Variants in KCNH8 observed in about 807,000 individuals in gnomAD.
The protein encoded by KCNH8 is potassium voltage-gated channel subfamily H member 8.
KCNH8 carries 70 observed loss-of-function variants against 103.6 expected under a neutral mutation model. The ratio of observed to expected loss-of-function variants is 0.68; its 90% CI spans 0.56 to 0.82. The LOEUF is 0.82. Among genes scored for constraint, KCNH8 ranks in the 40% least tolerant of loss-of-function variants. KCNH8 has a pLI of 0.00. For synonymous variants in KCNH8, 498 were observed against 489.4 expected, an observed-to-expected ratio of 1.02 and a Z score of -0.23; for missense variants, 1,217 against 1,329.9, an observed-to-expected ratio of 0.92 and a Z score of 1.32.
rs760759791 is a variant in KCNH8, at chr3:19,457,025, G to T, written c.2040+43G>T. 3 of 1,352,196 alleles carry T rather than the reference G, an allele frequency of 2.2e-6. No individual in the cohort carries two copies. In the South Asian group the frequency reaches 3.6e-5, roughly 16 times the overall value. The allele number at this position is 1,352,196 out of a possible 1,614,324, so 83.8% of individuals were successfully genotyped here. A position where few individuals can be genotyped will look rare whatever the true frequency, so the allele number is the denominator to read the frequency against. On this transcript the variant is annotated intron_variant, in intron 11 of 15. Transcript: ENST00000328405. The stretch of plus-strand genomic sequence containing the variant: ...TTAGTGCTAAGACCTAATAACATTG[G>T]GCCTGGAGATCATTTGTAACAGTAA...
intron 1 of KCNH8, among the ~76,000 whole-genome samples, chr3:19,239,924 A>G (rs2064117023): frequency 6.6e-6 from 1 of 152,180 alleles, no homozygotes; most frequent in Admixed American, 6.5e-5. Context: ...CCATGCTGGT[A>G]TCTTTATGAT....
intron 7 of KCNH8, among the ~76,000 whole-genome samples, chr3:19,433,518 C>T (rs549537045): frequency 1.3e-5 from 2 of 152,292 alleles, no homozygotes; most frequent in South Asian, 4.1e-4. Flanking sequence ...AATCCAATCA[C>T]TTCATATTTA....
chr3:19,412,449 A>G (rs932854624), intron 7 of KCNH8, among the ~76,000 whole-genome samples: 8 of 152,070 alleles, frequency 5.3e-5, no homozygotes, highest in African/African-American at 1.9e-4. Context: ...CTAGAAGAAA[A>G]CCTAGAACAC....
At chr3:19,306,123 A>T (rs956435451) in intron 3 of KCNH8, among the ~76,000 whole-genome samples, 2 of 152,078 alleles carry the variant, frequency 1.3e-5, no homozygotes, top group African/African-American at 2.4e-5. Context: ...TGCCGCATGC[A>T]TGTATAACTT....
chr3:19,368,604 ACCGTCCTC>A (rs2066044333), intron 5 of KCNH8, among the ~76,000 whole-genome samples: 1 of 152,022 alleles, frequency 6.6e-6, no homozygotes, highest in South Asian at 2.1e-4. Context: ...GTTTCAAGAG[ACCGTCCTC>A]AAATAAGGCC....
chr3:19,400,404 G>A (rs1035374468), intron 7 of KCNH8, among the ~76,000 whole-genome samples: 3 of 151,786 alleles, frequency 2.0e-5, no homozygotes, highest in Admixed American at 6.6e-5. Context: ...ATAATAGATT[G>A]TGTCTTGGTC....
intron 2 of KCNH8, among the ~76,000 whole-genome samples, chr3:19,260,015 AGGAAGAACT>A (rs2064408500): frequency 6.6e-6 from 1 of 151,704 alleles, no homozygotes; most frequent in African/African-American, 2.4e-5. Context: ...GAGGAAAAGA[AGGAAGAACT>A]GTGAAAGATA....
At chr3:19,362,667 G>A (rs2065962104) in intron 5 of KCNH8, among the ~76,000 whole-genome samples, 1 of 152,026 alleles carries the variant, frequency 6.6e-6, no homozygotes, top group Admixed American at 6.6e-5. Context: ...GTTTTTGTTT[G>A]TTGTTTGTTT....
chr3:19,337,999 C>G (rs1479276397), intron 3 of KCNH8, among the ~76,000 whole-genome samples: 1 of 147,106 alleles, frequency 6.8e-6, no homozygotes, highest in Non-Finnish European at 1.5e-5. Context: ...GAGAGAGAGG[C>G]GGGGGGGGGA....
At chr3:19,318,668 C>CGTGTGTGTGTGT (rs1559474398) in intron 3 of KCNH8, among the ~76,000 whole-genome samples, 1 of 143,446 alleles carries the variant, frequency 7.0e-6, no homozygotes, top group African/African-American at 2.6e-5. Flanking sequence ...TGTGTACACA[C>CGTGTGTGTGTGT]ACACACACAC....
chr3:19,432,629 T>C (rs530343341), intron 7 of KCNH8, among the ~76,000 whole-genome samples: 24 of 152,304 alleles, frequency 1.6e-4, no homozygotes, highest in South Asian at 8.3e-4. Context: ...TTGTAAATGA[T>C]ACTCTGAGCT....
intron 1 of KCNH8, among the ~76,000 whole-genome samples, chr3:19,192,213 G>A (rs1281703362): frequency 6.6e-6 from 1 of 151,582 alleles, no homozygotes; most frequent in Non-Finnish European, 1.5e-5. Flanking sequence ...TAGAAAATGT[G>A]TTACCTAGGA....
In KCNH8 at chr3:19,513,032, A is replaced by AGAG. The variant is rs759222860; in HGVS notation, c.2153_2155dup (p.Glu718dup). On this transcript the variant is annotated inframe_insertion, in exon 13 of 16. Coordinates refer to ENST00000328405, the MANE Select transcript of KCNH8 (RefSeq NM_144633.3). ...TCCCATCCATTGTGGAAGATGAGGA[A>AGAG]GAGGAGGAGGAGGGGGAGGAAGAGG... The AGAG allele has an allele frequency of 6.2e-7, 1 of 1,613,580 alleles. No homozygotes were observed. Among genetic ancestry groups the AGAG allele is most frequent in the Non-Finnish European group, 8.5e-7 (1 of 1,179,716 alleles).
In KCNH8 at chr3:19,450,008, T is replaced by TG; in HGVS notation, c.1376-97dup. On this transcript the variant is annotated intron_variant, in intron 8 of 15. Transcript: ENST00000328405. ...TCAACATGGCCATGTAACCATGCTCTGCTCTGCTCTGATCCAGGATAAACT... is the reference window on the plus strand; with the variant it reads ...TCAACATGGCCATGTAACCATGCTCTGGCTCTGCTCTGATCCAGGATAAACT... 4.1e-6 allele frequency: 4 copies of TG among 964,724 alleles called. No individual in the cohort carries two copies. In the East Asian group the frequency reaches 1.1e-4, roughly 26 times the overall value. 59.8% of individuals were successfully genotyped at this position (964,724 alleles called of 1,614,324 possible).
chr3:19,294,512 G>A (rs1015257418), intron 3 of KCNH8, among the ~76,000 whole-genome samples: 11 of 152,080 alleles, frequency 7.2e-5, no homozygotes, highest in Non-Finnish European at 1.3e-4. Context: ...TCTGCTTCAG[G>A]GACATCTATA....
At chr3:19,323,391 G>A (rs2065377900) in intron 3 of KCNH8, among the ~76,000 whole-genome samples, 1 of 152,114 alleles carries the variant, frequency 6.6e-6, no homozygotes, top group Non-Finnish European at 1.5e-5. Context: ...AGAGCTTGCA[G>A]TGAGCTGAGA....
chr3:19,521,982 G>A (rs2068978962), intron 15 of KCNH8, among the ~76,000 whole-genome samples: 1 of 151,884 alleles, frequency 6.6e-6, no homozygotes, highest in Admixed American at 6.6e-5. Context: ...TATAAAGTGA[G>A]AGAAAACAGG....
chr3:19,314,039 A>G (rs115537794), intron 3 of KCNH8, among the ~76,000 whole-genome samples: 3,400 of 152,068 alleles, frequency 0.022, 125 homozygotes, highest in African/African-American at 0.074. Context: ...ACCTACATAT[A>G]AAAACCTAGA....
chr3:19,171,667 A>C (rs1451374925), intron 1 of KCNH8, among the ~76,000 whole-genome samples: 2 of 152,188 alleles, frequency 1.3e-5, no homozygotes, highest in African/African-American at 2.4e-5. Flanking sequence ...ATACTTTTAA[A>C]ATTTGTATCT....
Sources: gnomAD v4.1 joint callset for allele counts (sites outside exome capture counted in the v4.1 genomes callset) on GRCh38, gnomAD v4.1.1 for gene constraint, MANE v1.5 for transcripts, NCBI Gene and HGNC (gene_info 2026-07-23, HGNC 2026-07-21) for gene names.